Variants in PRRC1 observed in about 807,000 individuals in gnomAD.
The protein encoded by PRRC1 is protein PRRC1.
In PRRC1, 39 loss-of-function variants were observed where a neutral mutation model predicts 40.7. The observed-to-expected ratio is 0.96, with a 90% CI of 0.74 to 1.25. The LOEUF (loss-of-function observed/expected upper bound fraction) is 1.25, where lower values mean the gene tolerates loss of function less well. PRRC1 is among the 50% of genes most tolerant of loss of function. The pLI is 0.00. For synonymous variants in PRRC1, 175 were observed against 193.3 expected, an observed-to-expected ratio of 0.91 and a Z score of 0.79; for missense variants, 573 against 548.3, an observed-to-expected ratio of 1.05 and a Z score of -0.45.
At chr5:127,523,622 A>G (rs560912590) in intron 2 of PRRC1, 40 bp downstream of exon 2, 2 of 1,234,018 alleles carry the variant, frequency 1.6e-6, no homozygotes, top group Admixed American at 2.2e-5. Flanking sequence ...TTTTGAGAAT[A>G]GTGAAGATAC....
At chr5:127,541,423 T>C (rs1242932081) in intron 7 of PRRC1, among the ~76,000 whole-genome samples, 3 of 152,106 alleles carry the variant, frequency 2.0e-5, no homozygotes, top group Non-Finnish European at 2.9e-5. Flanking sequence ...CTTTTTCTAT[T>C]GATTGGAATA....
chr5:127,526,239 A>G (rs1358011911), intron 3 of PRRC1, among the ~76,000 whole-genome samples: 1 of 152,208 alleles, frequency 6.6e-6, no homozygotes, highest in Non-Finnish European at 1.5e-5. Context: ...CTGAGTTAAC[A>G]TGAAGTATAT....
chr5:127,535,017 A>G (rs1767860677), intron 6 of PRRC1, among the ~76,000 whole-genome samples: 1 of 152,172 alleles, frequency 6.6e-6, no homozygotes, highest in South Asian at 2.1e-4. Flanking sequence ...GTTTTTCAAC[A>G]TAATTGTGTT....
rs2127084165 is a variant in PRRC1, at chr5:127,517,725, C to T, written c.-72C>T. ...AGCTGTAGTTCTACGTCCCGACCTC[C>T]CTATCATACCACACTCTTCAGCGAC... On this transcript the variant is annotated 5_prime_UTR_variant, in exon 1 of 9. Coordinates refer to ENST00000296666, the MANE Select transcript of PRRC1 (RefSeq NM_130809.5). 1 of 152,364 alleles carries T rather than the reference C, an allele frequency of 6.6e-6. No homozygotes were observed. The highest frequency in any genetic ancestry group is 1.5e-5 in the Non-Finnish European group (1 of 68,100). 9.4% of individuals were successfully genotyped at this position (152,364 alleles called of 1,614,324 possible).
intron 5 of PRRC1, 94 bp downstream of exon 5, chr5:127,530,490 A>C: frequency 1.4e-6 from 1 of 690,278 alleles, no homozygotes; most frequent in South Asian, 2.4e-5. Flanking sequence ...GTTTCCACTG[A>C]TTGTGTAATC....
intron 7 of PRRC1, among the ~76,000 whole-genome samples, chr5:127,545,483 G>T (rs1360970860): frequency 6.6e-6 from 1 of 152,068 alleles, no homozygotes; most frequent in Non-Finnish European, 1.5e-5. Flanking sequence ...CATGTCCTTT[G>T]TAAGGACATG....
chr5:127,553,036 TA>T lies in PRRC1; in HGVS notation c.*1123del. The T allele has an allele frequency of 9.6e-6, 7 of 731,766 alleles. No individual in the cohort carries two copies. Among genetic ancestry groups the T allele is most frequent in the Non-Finnish European group, 1.2e-5 (7 of 599,738 alleles). The allele number at this position is 731,766 out of a possible 1,614,324, so 45.3% of individuals were successfully genotyped here. On this transcript the variant is annotated 3_prime_UTR_variant, in exon 9 of 9. Transcript: ENST00000296666. ...TGGACTTATATAAATGATAATTAAA[TA>T]AATTTTTTTCTTAATACTGTTGGAC...
intron 1 of PRRC1, among the ~76,000 whole-genome samples, chr5:127,519,397 G>A (rs968514509): frequency 5.9e-5 from 9 of 152,122 alleles, no homozygotes; most frequent in African/African-American, 2.2e-4. Context: ...AGTCTCACCT[G>A]CCACTGCTCG....
Position 127,526,609 on chromosome 5 carries a change from A to G in PRRC1, c.494-9A>G, listed in dbSNP as rs1767620239. On this transcript the variant is annotated splice_polypyrimidine_tract_variant and intron_variant, in intron 3 of 8. Coordinates refer to ENST00000296666, the MANE Select transcript of PRRC1 (RefSeq NM_130809.5). ...AATTATACATATGAAAATTTTTGCC[A>G]TTGATTAGGTCTTTTGCCAACTCCT... 13 of 1,589,648 alleles carry G rather than the reference A, an allele frequency of 8.2e-6. 1 individual carries two copies. Among genetic ancestry groups the G allele is most frequent in the Non-Finnish European group, 1.0e-5 (12 of 1,170,508 alleles).
At chr5:127,526,555 C>T in intron 3 of PRRC1, 63 bp from the exon 4 acceptor site, 1 of 1,345,818 alleles carries the variant, frequency 7.4e-7, no homozygotes, top group Non-Finnish European at 1.0e-6. Flanking sequence ...TTGAGCCACT[C>T]CTTTTTATAG....
intron 7 of PRRC1, among the ~76,000 whole-genome samples, chr5:127,542,775 C>G (rs1184107644): frequency 6.7e-6 from 1 of 149,586 alleles, no homozygotes; most frequent in East Asian, 2.0e-4. Context: ...TGTCTCTGCA[C>G]GTGAGATGGG....
chr5:127,544,498 G>A (rs1365481650), intron 7 of PRRC1, among the ~76,000 whole-genome samples: 2 of 152,256 alleles, frequency 1.3e-5, no homozygotes, highest in East Asian at 3.9e-4. Flanking sequence ...GCCTACAGAG[G>A]CAGGCAGCCC....
intron 7 of PRRC1, among the ~76,000 whole-genome samples, chr5:127,545,537 C>T (rs1768192684): frequency 6.7e-6 from 1 of 148,898 alleles, no homozygotes; most frequent in South Asian, 2.1e-4. Context: ...ATCACAAGGA[C>T]AAAAAACCAA....
intron 7 of PRRC1, among the ~76,000 whole-genome samples, chr5:127,545,016 C>T (rs1166405918): frequency 1.3e-5 from 2 of 152,220 alleles, no homozygotes; most frequent in African/African-American, 2.4e-5. Flanking sequence ...CCTATTCGGC[C>T]ATCTTGGCTC....
chr5:127,527,603 TA>T (rs1561680586), intron 4 of PRRC1, among the ~76,000 whole-genome samples: 2 of 151,396 alleles, frequency 1.3e-5, no homozygotes, highest in African/African-American at 4.9e-5. Flanking sequence ...ACCAAAAACT[TA>T]AAAAAATTAG....
At position 127,552,454 on chromosome 5, in the gene PRRC1, T is replaced by G. The variant is rs1768419709; in HGVS notation, c.*538T>G. On this transcript the variant is annotated 3_prime_UTR_variant, in exon 9 of 9. Transcript: ENST00000296666. The stretch of plus-strand genomic sequence containing the variant: ...AGATGTTCCACATTTCTGTGCATGT[T>G]TTCAGTAATATGGGCCAAAATAATG... 1 of 987,116 alleles carries G rather than the reference T, an allele frequency of 1.0e-6. No homozygotes were observed. The highest frequency in any genetic ancestry group is 1.7e-5 in the African/African-American group (1 of 57,228). The allele number at this position is 987,116 out of a possible 1,614,324, so 61.1% of individuals were successfully genotyped here.
At chr5:127,534,261 T>G (rs1767841886) in intron 6 of PRRC1, among the ~76,000 whole-genome samples, 1 of 151,800 alleles carries the variant, frequency 6.6e-6, no homozygotes. Context: ...CATACAAACA[T>G]CTTTCTCACC....
At chr5:127,539,291 C>A in intron 7 of PRRC1, 148 bp downstream of exon 7, 1 of 582,170 alleles carries the variant, frequency 1.7e-6, no homozygotes, top group Non-Finnish European at 3.0e-6. Flanking sequence ...GCTGTGTGTC[C>A]TGCATGGCTT....
chr5:127,546,904 T>C (rs908668719), intron 7 of PRRC1, among the ~76,000 whole-genome samples: 1 of 152,186 alleles, frequency 6.6e-6, no homozygotes, highest in Non-Finnish European at 1.5e-5. Context: ...ATGTTTTTAA[T>C]TTTAAAGTTT....
Sources: allele counts gnomAD v4.1 joint callset (sites outside exome capture counted in the v4.1 genomes callset), GRCh38; gene constraint gnomAD v4.1.1; transcripts MANE v1.5; gene names NCBI Gene and HGNC (gene_info 2026-07-23, HGNC 2026-07-21).